NOVA2: variants seen among roughly 807,000 people sequenced by gnomAD.
NOVA2 encodes NOVA alternative splicing regulator 2, also known as RNA-binding protein Nova-2.
A neutral mutation model predicts 22.5 loss-of-function variants in NOVA2; 9 were observed. The observed-to-expected ratio is 0.40, with a 90% CI of 0.24 to 0.70. The LOEUF (loss-of-function observed/expected upper bound fraction) is 0.70. Among genes scored for constraint, NOVA2 ranks in the 30% least tolerant of loss-of-function variants. NOVA2 has a pLI of 0.38. For synonymous variants in NOVA2, 318 were observed against 335.2 expected (o/e 0.95, Z 0.56); for missense variants, 383 against 682.8 (o/e 0.56, Z 4.89).
intron 2 of NOVA2, among the ~76,000 whole-genome samples, chr19:45,956,053 G>A (rs1968001242): frequency 6.6e-6 from 1 of 152,104 alleles, no homozygotes; most frequent in South Asian, 2.1e-4. Flanking sequence ...GCCTCGCCAT[G>A]TGTCTGGGCG....
chr19:45,941,202 G>A (rs936242075), intron 3 of NOVA2, among the ~76,000 whole-genome samples: 15 of 152,068 alleles, frequency 9.9e-5, no homozygotes, highest in South Asian at 4.1e-4. Context: ...TGAGGCAGGA[G>A]AATCGCTTGA....
intron 3 of NOVA2, among the ~76,000 whole-genome samples, chr19:45,941,796 T>C (rs1315075897): frequency 1.3e-5 from 2 of 152,128 alleles, no homozygotes; most frequent in African/African-American, 4.8e-5. Flanking sequence ...GAATAGCCAG[T>C]ATTTGAGGTC....
At chr19:45,948,372 G>T (rs1967872137) in intron 3 of NOVA2, among the ~76,000 whole-genome samples, 1 of 152,134 alleles carries the variant, frequency 6.6e-6, no homozygotes, top group Admixed American at 6.5e-5. Flanking sequence ...GGCCAAGGTG[G>T]GCGGATCACG....
At position 45,938,400 on chromosome 19, in the gene NOVA2, A is replaced by G. The variant is rs1195468189; in HGVS notation, c.*1463T>C. On this transcript the variant is annotated 3_prime_UTR_variant, in exon 4 of 4. Coordinates refer to ENST00000263257, the MANE Select transcript of NOVA2 (RefSeq NM_002516.4). ...CCAGCTTGCTGGAAGCCACCAAACC[A>G]ATCTAACCTATCAGACCACACGAAG... 3.3e-5 allele frequency: 5 copies of G among 152,434 alleles called. No homozygotes were observed. Among genetic ancestry groups the G allele is most frequent in the Non-Finnish European group, 7.3e-5 (5 of 68,158 alleles). The allele number at this position is 152,434 out of a possible 1,614,324, so 9.4% of individuals were successfully genotyped here.
At chr19:45,947,997 A>G (rs934098584) in intron 3 of NOVA2, among the ~76,000 whole-genome samples, 11 of 152,272 alleles carry the variant, frequency 7.2e-5, no homozygotes, top group Middle Eastern at 3.4e-3. Flanking sequence ...TCTCATCTGT[A>G]AAACAAGGAT....
At chr19:45,958,097 CA>C in intron 2 of NOVA2, among the ~76,000 whole-genome samples, 1 of 119,414 alleles carries the variant, frequency 8.4e-6, no homozygotes, top group East Asian at 2.4e-4. Context: ...GGTGACAGAG[CA>C]AGACTCCGTC....
At chr19:45,947,715 G>T (rs1029660121) in intron 3 of NOVA2, among the ~76,000 whole-genome samples, 1 of 151,998 alleles carries the variant, frequency 6.6e-6, no homozygotes, top group South Asian at 2.1e-4. Context: ...CTCGTGATCC[G>T]CCTGTCTCAG....
At chr19:45,962,107 C>A (rs938536456) in intron 1 of NOVA2, among the ~76,000 whole-genome samples, 1 of 152,114 alleles carries the variant, frequency 6.6e-6, no homozygotes, top group African/African-American at 2.4e-5. Context: ...TCCTCTGATG[C>A]CCATGAGGGG....
rs757107101 is a variant in NOVA2 at position 45,940,597 on chromosome 19, C to A, written c.745G>T (p.Ala249Ser). Residue 249 changes from alanine to serine, a missense_variant, in exon 4 of 4, where the codon GCC becomes TCC. Ala to Ser is a moderately conservative substitution (Grantham distance 99). Coordinates refer to ENST00000263257, the MANE Select transcript of NOVA2 (RefSeq NM_002516.4). Reference sequence around the variant, plus strand: ...CCGGCGGGGCCCAGCAGGCCGGAGGCGGCGGCGGCCGACGCTGCGGCCGCG... The same window carrying A: ...CCGGCGGGGCCCAGCAGGCCGGAGGAGGCGGCGGCCGACGCTGCGGCCGCG... ...PAAAAASAAA[A>S]SGLLGPAGLA... is the part of the protein sequence containing the mutation. The A allele has an allele frequency of 1.4e-6, 2 of 1,412,612 alleles. No individual in the cohort carries two copies. The highest frequency in any genetic ancestry group is 1.8e-6 in the Non-Finnish European group (2 of 1,095,044). 87.5% of individuals were successfully genotyped at this position (1,412,612 alleles called of 1,614,324 possible). A position where few individuals can be genotyped will look rare whatever the true frequency, so the allele number is the denominator to read the frequency against.
chr19:45,961,361 T>C (rs1297813722), intron 1 of NOVA2, among the ~76,000 whole-genome samples: 1 of 151,966 alleles, frequency 6.6e-6, no homozygotes, highest in African/African-American at 2.4e-5. Flanking sequence ...AAGAAGAAAA[T>C]AGACAAAGCT....
intron 1 of NOVA2, among the ~76,000 whole-genome samples, chr19:45,971,420 G>A (rs1325669148): frequency 1.3e-5 from 2 of 152,016 alleles, no homozygotes; most frequent in African/African-American, 4.8e-5. Flanking sequence ...GAAGGAAGTC[G>A]GGGACATATT....
In NOVA2 at chr19:45,936,692, TAGAA is replaced by T. The variant is rs1967657976; in HGVS notation, c.*3167_*3170del. 6.9e-6 allele frequency: 1 copy of T among 144,380 alleles called. No individual in the cohort carries two copies. The highest frequency in any genetic ancestry group is 1.5e-5 in the Non-Finnish European group (1 of 65,958). The allele number at this position is 144,380 out of a possible 1,614,324, so 8.9% of individuals were successfully genotyped here. ...GGGAACCACACGGAGGAAAAAAAAA[TAGAA>T]AGTCATAGGGAGCCAGACAAAGAAA... On this transcript the variant is annotated 3_prime_UTR_variant, in exon 4 of 4. Coordinates refer to ENST00000263257, the MANE Select transcript of NOVA2 (RefSeq NM_002516.4).
rs1043452865 is a variant in NOVA2, at chr19:45,936,212, C to T, written c.*3651G>A. Reference sequence around the variant, plus strand: ...CTCTTGAATCCAGTTGGTACCGCCCCTTGGGCTAGCAGAGGAGGAGTTGAG... The same window carrying T: ...CTCTTGAATCCAGTTGGTACCGCCCTTTGGGCTAGCAGAGGAGGAGTTGAG... On this transcript the variant is annotated 3_prime_UTR_variant, in exon 4 of 4. Transcript: ENST00000263257. 6.6e-6 allele frequency: 1 copy of T among 152,196 alleles called. No homozygotes were observed. The highest frequency in any genetic ancestry group is 1.5e-5 in the Non-Finnish European group (1 of 68,030). The allele number at this position is 152,196 out of a possible 1,614,324, so 9.4% of individuals were successfully genotyped here.
chr19:45,945,101 T>TA (rs1009042270), intron 3 of NOVA2, among the ~76,000 whole-genome samples: 13 of 152,032 alleles, frequency 8.6e-5, no homozygotes, highest in African/African-American at 3.1e-4. Context: ...GCCCAGGAAT[T>TA]AGAGATCAAC....
chr19:45,971,189 C>A (rs1374298965), intron 1 of NOVA2, among the ~76,000 whole-genome samples: 2 of 152,130 alleles, frequency 1.3e-5, no homozygotes, highest in African/African-American at 2.4e-5. Flanking sequence ...TAGTAGGTGC[C>A]AAGTAGGCAG....
At position 45,936,562 on chromosome 19, in the gene NOVA2, C is replaced by CT. The variant is rs538110541; in HGVS notation, c.*3300dup. 4,471 of 139,334 alleles carry CT rather than the reference C, an allele frequency of 0.032. 148 individuals carry two copies. The highest frequency in any genetic ancestry group is 0.083 in the African/African-American group (3,177 of 38,160). The allele number at this position is 139,334 out of a possible 1,614,324, so 8.6% of individuals were successfully genotyped here. A position where few individuals can be genotyped will look rare whatever the true frequency, so the allele number is the denominator to read the frequency against. On this transcript the variant is annotated 3_prime_UTR_variant, in exon 4 of 4. Transcript: ENST00000263257. ...GGCTCAGTTCCAAGGAAGTTTGGCA[C>CT]TTTTTTTTTTTTTTAAATGGGGAAA...
intron 3 of NOVA2, among the ~76,000 whole-genome samples, chr19:45,947,714 C>T (rs542072861): frequency 7.0e-4 from 107 of 152,174 alleles, no homozygotes; most frequent in African/African-American, 2.5e-3. Flanking sequence ...CCTCGTGATC[C>T]GCCTGTCTCA....
intron 1 of NOVA2, among the ~76,000 whole-genome samples, chr19:45,965,318 T>C (rs1171280479): frequency 1.3e-5 from 2 of 152,222 alleles, no homozygotes; most frequent in African/African-American, 4.8e-5. Flanking sequence ...GTATTCATTT[T>C]CTCTGAAGAA....
chr19:45,953,798 G>A lies in NOVA2; in HGVS notation c.378C>T (p.Asn126=), dbSNP rs750865924. 1.2e-6 allele frequency: 2 copies of A among 1,614,158 alleles called. No homozygotes were observed. Among genetic ancestry groups the A allele is most frequent in the Middle Eastern group, 1.6e-4 (1 of 6,062 alleles). The change falls in exon 3 of 4, where the codon AAC becomes AAT. Residue 126 remains asparagine (N), a synonymous_variant. Transcript: ENST00000263257. The part of the protein sequence containing the change: ...VNILQPQTTM[N]PDRAKQAKLI... Reference sequence around the variant, plus strand: ...AGCTGACCTGCTTGGCTCTGTCGGGGTTCATCGTGGTTTGGGGTTGAAGGA... The same window carrying A: ...AGCTGACCTGCTTGGCTCTGTCGGGATTCATCGTGGTTTGGGGTTGAAGGA...
Sources: gnomAD v4.1 joint callset for allele counts (sites outside exome capture counted in the v4.1 genomes callset) on GRCh38, gnomAD v4.1.1 for gene constraint, MANE v1.5 for transcripts, NCBI Gene and HGNC (gene_info 2026-07-23, HGNC 2026-07-21) for gene names.